Variants in TNNI3 observed in about 807,000 individuals in gnomAD.
TNNI3 encodes troponin I3, cardiac type, also known as troponin I, cardiac muscle.
In TNNI3, 23 loss-of-function variants were observed where a neutral mutation model predicts 31.5. The ratio of observed to expected loss-of-function variants is 0.73; its 90% CI spans 0.52 to 1.03. The LOEUF is 1.03. TNNI3 is among the 50% of genes least tolerant of loss of function. The pLI, the probability that TNNI3 is intolerant of heterozygous loss-of-function variation, is 0.00. For synonymous variants in TNNI3, 120 were observed against 111.7 expected, an observed-to-expected ratio of 1.07 and a Z score of -0.47; for missense variants, 236 against 282.9, an observed-to-expected ratio of 0.83 and a Z score of 1.19.
rs897917179 is a variant in TNNI3, at chr19:55,152,545, G to A, written c.550-628C>T. Reference sequence around the variant, plus strand: ...CATTTTACATCACAAGGAAAAGAAGGGTGATTACAGTGCTATAAGATATTT... The same window carrying A: ...CATTTTACATCACAAGGAAAAGAAGAGTGATTACAGTGCTATAAGATATTT... On this transcript the variant is annotated intron_variant, in intron 7 of 7. Coordinates refer to ENST00000344887, the MANE Select transcript of TNNI3 (RefSeq NM_000363.5). The surrounding 1 kb of genome is among the most constrained non-coding windows in gnomAD (Gnocchi z 4.0). Among the ~76,000 whole-genome samples the A allele has an allele frequency of 2.0e-5, 3 of 152,114 alleles. No homozygotes were observed. The highest frequency in any genetic ancestry group is 7.2e-5 in the African/African-American group (3 of 41,414).
At position 55,157,723 on chromosome 19, in the gene TNNI3, C is replaced by T. The variant is rs2085746050; in HGVS notation, c.-134G>A. On this transcript the variant is annotated 5_prime_UTR_variant, in exon 1 of 8. Coordinates refer to ENST00000344887, the MANE Select transcript of TNNI3 (RefSeq NM_000363.5). The surrounding 1 kb of genome is among the most constrained non-coding windows in gnomAD (Gnocchi z 6.3). ...CTCCTCCGGGCTGCTTGAGACTCCC[C>T]GAGGACACTGAGATAAAGGGCGAGG... is the stretch of plus-strand genomic sequence containing the variant. 7 of 949,664 alleles carry T rather than the reference C, an allele frequency of 7.4e-6. No homozygotes were observed. Among genetic ancestry groups the T allele is most frequent in the African/African-American group, 3.3e-5 (2 of 61,134 alleles). The allele number at this position is 949,664 out of a possible 1,614,324, so 58.8% of individuals were successfully genotyped here.
At position 55,157,309 on chromosome 19, in the gene TNNI3, C is replaced by A. The variant is rs397516340; in HGVS notation, c.12-1G>T. 2 of 1,612,788 alleles carry A rather than the reference C, an allele frequency of 1.2e-6. No individual in the cohort carries two copies. The highest frequency in any genetic ancestry group is 3.3e-5 in the Admixed American group (2 of 59,874). ...CGCTGCTCTCACCGCATCGCTGCTC[C>A]TGGAAGGAGAGAAACCAAGGAGGGG... On this transcript the variant is annotated splice_acceptor_variant, in intron 1 of 7. Coordinates refer to ENST00000344887, the MANE Select transcript of TNNI3 (RefSeq NM_000363.5). LOFTEE classifies it high-confidence loss of function. The surrounding 1 kb of genome is among the most constrained non-coding windows in gnomAD (Gnocchi z 6.3).
In TNNI3 at chr19:55,154,134, T is replaced by A; in HGVS notation, c.445A>T (p.Ile149Phe). The change falls in exon 7 of 8, where the codon ATC becomes TTC. Residue 149 changes from isoleucine to phenylalanine, a missense_variant. This residue lies in a region of TNNI3 where 34 missense variants were observed against 52.7 expected (regional missense o/e 0.65). Transcript: ENST00000344887. Reference sequence around the variant, plus strand: ...GCCTGCATCATGGCATCTGCAGAGATCCTCACTCTCCGCAGGGTGGGCCGC... The same window carrying A: ...GCCTGCATCATGGCATCTGCAGAGAACCTCACTCTCCGCAGGGTGGGCCGC... ...FKRPTLRRVR[I>F]SADAMMQALL... 6.2e-7 allele frequency: 1 copy of A among 1,613,144 alleles called. No homozygotes were observed. Among genetic ancestry groups the A allele is most frequent in the Non-Finnish European group, 8.5e-7 (1 of 1,179,948 alleles).
Position 55,154,226 on chromosome 19 carries a change from T to C in TNNI3, c.373-20A>G. On this transcript the variant is annotated intron_variant, in intron 6 of 7. Coordinates refer to ENST00000344887, the MANE Select transcript of TNNI3 (RefSeq NM_000363.5). ...TGCAATCTGGGGGCACACGAGGGGG[T>C]GGGTACTTCTCCTTCCATTTCCCGC... The C allele has an allele frequency of 6.2e-7, 1 of 1,608,398 alleles. No homozygotes were observed. Among genetic ancestry groups the C allele is most frequent in the East Asian group, 2.2e-5 (1 of 44,856 alleles).
chr19:55,152,179 T>C lies in TNNI3; in HGVS notation c.550-262A>G, dbSNP rs1401999194. 6.6e-6 allele frequency among the ~76,000 whole-genome samples: 1 copy of C among 151,866 alleles called. No homozygotes were observed. Among genetic ancestry groups the C allele is most frequent in the Non-Finnish European group, 1.5e-5 (1 of 67,986 alleles). ...TGTCTCCCTCATGTACTTTCTGTCT[T>C]TCCCCATCCACTTCCTGTCTCCCTC... On this transcript the variant is annotated intron_variant, in intron 7 of 7. Transcript: ENST00000344887. This position sits in a 1 kb window ranked among gnomAD's most constrained non-coding sequence, Gnocchi z 4.0.
In TNNI3 at chr19:55,157,231, C is replaced by T; in HGVS notation, c.24+65G>A. 6.2e-7 allele frequency: 1 copy of T among 1,605,556 alleles called. No homozygotes were observed. Among genetic ancestry groups the T allele is most frequent in the Non-Finnish European group, 8.5e-7 (1 of 1,176,752 alleles). On this transcript the variant is annotated intron_variant, in intron 2 of 7. Coordinates refer to ENST00000344887, the MANE Select transcript of TNNI3 (RefSeq NM_000363.5). The surrounding 1 kb of genome is among the most constrained non-coding windows in gnomAD (Gnocchi z 6.3). ...TAGGGCTGCAGCCTCCCGCCCCAGA[C>T]CCCTCACTGCAGCGCCCACCCTGGC...
chr19:55,156,196 G>A lies in TNNI3; in HGVS notation c.282+5C>T, dbSNP rs770260866. 4 of 1,612,718 alleles carry A rather than the reference G, an allele frequency of 2.5e-6. No individual in the cohort carries two copies. The highest frequency in any genetic ancestry group is 3.4e-6 in the Non-Finnish European group (4 of 1,179,830). On this transcript the variant is annotated splice_donor_5th_base_variant and intron_variant, in intron 5 of 7. Coordinates refer to ENST00000344887, the MANE Select transcript of TNNI3 (RefSeq NM_000363.5). The surrounding 1 kb of genome is among the most constrained non-coding windows in gnomAD (Gnocchi z 4.6). ...TAGAAACCTCGCATCCTTGGGAGCC[G>A]GTACCTGCAGCTCCGCGAAGCCCAG... is the stretch of plus-strand genomic sequence containing the variant.
rs1454754748 is a variant in TNNI3, at chr19:55,151,803, T to C, written c.*31A>G. 1.2e-6 allele frequency: 2 copies of C among 1,605,464 alleles called. No individual in the cohort carries two copies. The highest frequency in any genetic ancestry group is 4.5e-5 in the East Asian group (2 of 44,760). ...AGAGAAGCTTTATTCCTCAGGGCCC[T>C]CCTCAGGGCAGGGGCAGTAGGCAGG... On this transcript the variant is annotated 3_prime_UTR_variant, in exon 8 of 8. Transcript: ENST00000344887.
intron 5 of TNNI3, among the ~76,000 whole-genome samples, 172 bp from the exon 6 acceptor site, chr19:55,155,002 T>C (rs1335352302): frequency 8.4e-6 from 1 of 118,684 alleles, no homozygotes; most frequent in Admixed American, 9.0e-5. Flanking sequence ...CCTGGACTCC[T>C]GGGTTTGAGG....
Position 55,157,226 on chromosome 19 carries a change from C to T in TNNI3, c.24+70G>A. 3 of 1,603,914 alleles carry T rather than the reference C, an allele frequency of 1.9e-6. No homozygotes were observed. Among genetic ancestry groups the T allele is most frequent in the Non-Finnish European group, 2.6e-6 (3 of 1,176,026 alleles). On this transcript the variant is annotated intron_variant, in intron 2 of 7. Coordinates refer to ENST00000344887, the MANE Select transcript of TNNI3 (RefSeq NM_000363.5). The surrounding 1 kb of genome is among the most constrained non-coding windows in gnomAD (Gnocchi z 6.3). ...TCTGCTAGGGCTGCAGCCTCCCGCC[C>T]CAGACCCCTCACTGCAGCGCCCACC...
rs774167216 is a variant in TNNI3 at position 55,157,001 on chromosome 19, T to C, written c.108+49A>G. On this transcript the variant is annotated intron_variant, in intron 3 of 7. Coordinates refer to ENST00000344887, the MANE Select transcript of TNNI3 (RefSeq NM_000363.5). The surrounding 1 kb of genome is among the most constrained non-coding windows in gnomAD (Gnocchi z 6.3). ...GGCTCCTCCCCCCACTCCCAGGGTC[T>C]TGGATCCCTCCGGCGCCTGTACTCT... 1.6e-5 allele frequency: 24 copies of C among 1,540,670 alleles called. No homozygotes were observed. The East Asian group carries it at 5.6e-4, about 36-fold the overall frequency.
chr19:55,154,363 C>A (rs2085714156), intron 6 of TNNI3, 157 bp from the exon 7 acceptor site: 1 of 785,434 alleles, frequency 1.3e-6, no homozygotes, highest in East Asian at 2.7e-5. Context: ...GGCTTCTAAT[C>A]CTGGAACTGA....
At chr19:55,154,243 A>G (rs762299813) in intron 6 of TNNI3, 37 bp from the exon 7 acceptor site, 2 of 1,597,628 alleles carry the variant, frequency 1.3e-6, no homozygotes, top group East Asian at 2.2e-5. Flanking sequence ...TTCTCCTTCC[A>G]TTTCCCGCAC....
chr19:55,157,385 CT>C lies in TNNI3; in HGVS notation c.12-78del. 6.2e-7 allele frequency: 1 copy of C among 1,608,974 alleles called. No individual in the cohort carries two copies. The highest frequency in any genetic ancestry group is 8.5e-7 in the Non-Finnish European group (1 of 1,176,914). Reference sequence around the variant, plus strand: ...TCCTAAGGGACCCCTGGAGTCCCCTCTGAACAAGAGGTCGGGGGACCGCGCT... The same window carrying C: ...TCCTAAGGGACCCCTGGAGTCCCCTCGAACAAGAGGTCGGGGGACCGCGCT... On this transcript the variant is annotated intron_variant, in intron 1 of 7. Coordinates refer to ENST00000344887, the MANE Select transcript of TNNI3 (RefSeq NM_000363.5). The surrounding 1 kb of genome is among the most constrained non-coding windows in gnomAD (Gnocchi z 6.3).
rs1476185834 is a variant in TNNI3 at position 55,154,412 on chromosome 19, C to A, written c.373-206G>T. 6.2e-6 allele frequency: 4 copies of A among 647,326 alleles called. No individual in the cohort carries two copies. The African/African-American group carries it at 7.2e-5, about 12-fold the overall frequency. The allele number at this position is 647,326 out of a possible 1,614,324, so 40.1% of individuals were successfully genotyped here. On this transcript the variant is annotated intron_variant, in intron 6 of 7. Transcript: ENST00000344887. ...TATGCTCCAGCCTCACCTCTCAAAA[C>A]CACTGGCATAACCTGGTCCAGCTAC...
At chr19:55,153,659 G>T (rs1420925154) in intron 7 of TNNI3, among the ~76,000 whole-genome samples, 2 of 22,974 alleles carry the variant, frequency 8.7e-5, no homozygotes, top group Admixed American at 1.2e-3. Flanking sequence ...AGTGAGCCGA[G>T]ATGGTGTCAC....
intron 7 of TNNI3, among the ~76,000 whole-genome samples, chr19:55,153,731 C>CAAA (rs60013031): frequency 5.2e-5 from 1 of 19,084 alleles, no homozygotes; most frequent in Admixed American, 5.4e-4. Flanking sequence ...GACTCCATCG[C>CAAA]AAAAAAAAAA....
chr19:55,156,734 A>T lies in TNNI3; in HGVS notation c.109-90T>A. The T allele has an allele frequency of 6.9e-7, 1 of 1,440,928 alleles. No homozygotes were observed. 89.3% of individuals were successfully genotyped at this position (1,440,928 alleles called of 1,614,324 possible). A position where few individuals can be genotyped will look rare whatever the true frequency, so the allele number is the denominator to read the frequency against. On this transcript the variant is annotated intron_variant, in intron 3 of 7. Transcript: ENST00000344887. This position sits in a 1 kb window ranked among gnomAD's most constrained non-coding sequence, Gnocchi z 4.6. The stretch of plus-strand genomic sequence containing the variant: ...ACCTCAAGACACCCCCAGCAAACCC[A>T]GCCGGTCCAGATTTGGGCCCACGTC...
rs727504275 is a variant in TNNI3, at chr19:55,151,856, C to A, written c.611G>T (p.Arg204Leu). 6.2e-7 allele frequency: 1 copy of A among 1,614,000 alleles called. No individual in the cohort carries two copies. The highest frequency in any genetic ancestry group is 1.1e-5 in the South Asian group (1 of 91,082). Reference sequence around the variant, plus strand: ...GGCTCAGCTCTCAAACTTTTTCTTGCGGCCCTCCATTCCACTCAGTGCATC... The same window carrying A: ...GGCTCAGCTCTCAAACTTTTTCTTGAGGCCCTCCATTCCACTCAGTGCATC... Reference protein sequence around the residue: ...NIDALSGMEGRKKKFES With the variant: ...NIDALSGMEGLKKKFES The change falls in exon 8 of 8, where the codon CGC (arginine) becomes CTC (leucine). Residue 204 changes from arginine (R) to leucine (L), a missense_variant. Transcript: ENST00000344887.
Sources: gnomAD v4.1 joint callset for allele counts (sites outside exome capture counted in the v4.1 genomes callset) on GRCh38, gnomAD v4.1.1 for gene constraint, gnomAD v4.1.1 regional missense constraint, Gnocchi (gnomAD v3.1) non-coding constraint, MANE v1.5 for transcripts, NCBI Gene and HGNC (gene_info 2026-07-23, HGNC 2026-07-21) for gene names.